The following TMEM132D variants were observed in gnomAD, a reference collection of about 807,000 sequenced individuals.
The protein encoded by TMEM132D is mature OL transmembrane protein.
A neutral mutation model predicts 62.3 loss-of-function variants in TMEM132D; 21 were observed. The observed-to-expected ratio is 0.34, with a 90% CI of 0.24 to 0.49. The LOEUF (loss-of-function observed/expected upper bound fraction) is 0.49, where lower values mean the gene tolerates loss of function less well. Ranked by LOEUF, TMEM132D falls within the 20% of genes least tolerant of loss-of-function variation. TMEM132D has a pLI of 0.99. For missense variants in TMEM132D, 1,346 were observed against 1,402.8 expected, an observed-to-expected ratio of 0.96 and a Z score of 0.65; for synonymous variants, 621 against 575.6, an observed-to-expected ratio of 1.08 and a Z score of -1.13.
intron 4 of TMEM132D, among the ~76,000 whole-genome samples, chr12:129,242,812 C>T (rs1007789910): frequency 1.1e-5 from 1 of 90,372 alleles, no homozygotes; most frequent in African/African-American, 3.9e-5. Context: ...TAATGAAGTC[C>T]ACTGATAAGT....
intron 1 of TMEM132D, among the ~76,000 whole-genome samples, chr12:129,780,053 T>C (rs1010364450): frequency 1.3e-5 from 2 of 152,020 alleles, no homozygotes; most frequent in Non-Finnish European, 2.9e-5. Flanking sequence ...CTCCACACCC[T>C]GAAGCTAAGA....
Position 129,793,646 on chromosome 12 carries a change from G to A in TMEM132D, c.80-92948C>T, listed in dbSNP as rs1017942891. Among the ~76,000 whole-genome samples the A allele has an allele frequency of 4.6e-5, 7 of 152,330 alleles. No individual in the cohort carries two copies. In the South Asian group the frequency reaches 1.0e-3, roughly 23 times the overall value. The stretch of plus-strand genomic sequence containing the variant: ...CTCCCAAAGTGTTGGGATGACAGGC[G>A]TGGGCCATCACACCTAGCCAGGATA... On this transcript the variant is annotated intron_variant, in intron 1 of 8. Transcript: ENST00000422113.
intron 4 of TMEM132D, chr12:129,209,897 A>G (rs1244701334): frequency 1.8e-6 from 1 of 543,196 alleles, no homozygotes; most frequent in African/African-American, 1.9e-5. Context: ...GGAGGACAGA[A>G]AAGGTGGCGG....
chr12:129,248,296 C>T (rs1880176703), intron 4 of TMEM132D, among the ~76,000 whole-genome samples: 1 of 152,180 alleles, frequency 6.6e-6, no homozygotes, highest in African/African-American at 2.4e-5. Context: ...TGATCCCACA[C>T]TAATTAACTG....
intron 2 of TMEM132D, among the ~76,000 whole-genome samples, chr12:129,545,649 C>A (rs767769608): frequency 6.6e-6 from 1 of 152,154 alleles, no homozygotes. Context: ...GCAACCAACA[C>A]GCTACTCTCT....
chr12:129,304,943 C>T (rs1275288005), intron 4 of TMEM132D, among the ~76,000 whole-genome samples: 1 of 152,180 alleles, frequency 6.6e-6, no homozygotes, highest in Non-Finnish European at 1.5e-5. Flanking sequence ...GAATTACAGG[C>T]ATGAGCCACT....
At chr12:129,563,335 G>C (rs186965315) in intron 2 of TMEM132D, among the ~76,000 whole-genome samples, 9 of 152,266 alleles carry the variant, frequency 5.9e-5, no homozygotes, top group Non-Finnish European at 1.2e-4. Context: ...GCTTTAGTTT[G>C]TTCTTTTATG....
chr12:129,102,699 T>C (rs556545232), intron 5 of TMEM132D, among the ~76,000 whole-genome samples: 1 of 152,340 alleles, frequency 6.6e-6, no homozygotes, highest in East Asian at 1.9e-4. Flanking sequence ...TAATACTCCT[T>C]GGAAACAAAA....
At chr12:129,233,832 G>A (rs939288495) in intron 4 of TMEM132D, among the ~76,000 whole-genome samples, 3 of 151,596 alleles carry the variant, frequency 2.0e-5, no homozygotes, top group Non-Finnish European at 4.4e-5. Context: ...TTTTTTACAC[G>A]ATTGGGTCTC....
intron 2 of TMEM132D, among the ~76,000 whole-genome samples, chr12:129,592,084 A>C (rs1878204502): frequency 6.6e-6 from 1 of 152,224 alleles, no homozygotes; most frequent in African/African-American, 2.4e-5. Flanking sequence ...TTCCATTATA[A>C]AAAGTACCAT....
At position 129,359,747 on chromosome 12, in the gene TMEM132D, A is replaced by T. The variant is rs537347646; in HGVS notation, c.1116-21930T>A. Among the ~76,000 whole-genome samples the T allele has an allele frequency of 2.4e-4, 36 of 152,296 alleles. No individual in the cohort carries two copies. The East Asian group carries it at 6.6e-3, about 28-fold the overall frequency. ...ACTAGGAGACATTATGAGGTAGTCA[A>T]ATACTTACTCCCACTGAGAATGAAT... On this transcript the variant is annotated intron_variant, in intron 3 of 8. Coordinates refer to ENST00000422113, the MANE Select transcript of TMEM132D (RefSeq NM_133448.3).
intron 1 of TMEM132D, among the ~76,000 whole-genome samples, chr12:129,724,428 C>T (rs559761912): frequency 2.0e-5 from 3 of 152,216 alleles, no homozygotes; most frequent in African/African-American, 7.2e-5. Flanking sequence ...ATCCATTTGA[C>T]ACCTGTACTT....
intron 5 of TMEM132D, among the ~76,000 whole-genome samples, chr12:129,135,174 G>A (rs974576478): frequency 1.3e-5 from 2 of 152,182 alleles, no homozygotes; most frequent in Non-Finnish European, 2.9e-5. Context: ...GAGGCATCTG[G>A]AGTTGGGTTT....
intron 1 of TMEM132D, among the ~76,000 whole-genome samples, chr12:129,896,009 C>T (rs1333940487): frequency 7.1e-6 from 1 of 140,600 alleles, no homozygotes; most frequent in Non-Finnish European, 1.5e-5. Flanking sequence ...CTCACTCTGT[C>T]ACTCAGGTTA....
At chr12:129,733,430 A>C (rs571107822) in intron 1 of TMEM132D, among the ~76,000 whole-genome samples, 2 of 152,180 alleles carry the variant, frequency 1.3e-5, no homozygotes, top group African/African-American at 4.8e-5. Flanking sequence ...ATCAACCACC[A>C]GTCACGCGGG....
At chr12:129,565,660 G>T (rs960880221) in intron 2 of TMEM132D, among the ~76,000 whole-genome samples, 13 of 152,188 alleles carry the variant, frequency 8.5e-5, no homozygotes, top group Non-Finnish European at 1.6e-4. Context: ...GTCTTTCAGA[G>T]CGAACTGTCT....
chr12:129,634,131 G>T (rs1341977224), intron 2 of TMEM132D, among the ~76,000 whole-genome samples: 2 of 152,064 alleles, frequency 1.3e-5, no homozygotes, highest in African/African-American at 4.8e-5. Context: ...CACAGCAGTG[G>T]TGTCCCCTGC....
chr12:129,323,660 G>A lies in TMEM132D; in HGVS notation c.1299+13974C>T, dbSNP rs553423064. On this transcript the variant is annotated intron_variant, in intron 4 of 8. Coordinates refer to ENST00000422113, the MANE Select transcript of TMEM132D (RefSeq NM_133448.3). ...TTCAAAGCTTTAAATCTTAGCTGAA[G>A]CCTAATCCTCAATGTTGCATATCAC... Among the ~76,000 whole-genome samples, 4 of 152,296 alleles carry A rather than the reference G, an allele frequency of 2.6e-5. No homozygotes were observed. In the South Asian group the frequency reaches 8.3e-4, roughly 32 times the overall value.
rs923609492 is a variant in TMEM132D at position 129,482,890 on chromosome 12, C to T, written c.1115+48169G>A. On this transcript the variant is annotated intron_variant, in intron 3 of 8. Coordinates refer to ENST00000422113, the MANE Select transcript of TMEM132D (RefSeq NM_133448.3). The stretch of plus-strand genomic sequence containing the variant: ...TACAGTTAATTGGCTCTCTTCCTAG[C>T]GTGCTCCTTTGAAAAGAGCAAACAT... Among the ~76,000 whole-genome samples, 6 of 151,666 alleles carry T rather than the reference C, an allele frequency of 4.0e-5. No individual in the cohort carries two copies. In the South Asian group the frequency reaches 6.3e-4, roughly 16 times the overall value.
Sources: allele counts gnomAD v4.1 joint callset (sites outside exome capture counted in the v4.1 genomes callset), GRCh38; gene constraint gnomAD v4.1.1; transcripts MANE v1.5; gene names NCBI Gene and HGNC (gene_info 2026-07-23, HGNC 2026-07-21).